The following DZIP1 variants were observed in gnomAD, a reference collection of about 807,000 sequenced individuals.
DZIP1 encodes the protein cilium assembly protein DZIP1.
DZIP1 carries 97 observed loss-of-function variants against 107.6 expected under a neutral mutation model. The ratio of observed to expected loss-of-function variants is 0.90; its 90% CI spans 0.77 to 1.07. DZIP1 has a LOEUF of 1.07. DZIP1 is among the 50% of genes least tolerant of loss of function. The probability of loss-of-function intolerance (pLI) is 0.00; values close to 1 mark genes in which losing one functional copy is unlikely to be tolerated. For synonymous variants in DZIP1, 390 were observed against 386.4 expected, an observed-to-expected ratio of 1.01 and a Z score of -0.11; for missense variants, 1,035 against 1,063.6, an observed-to-expected ratio of 0.97 and a Z score of 0.37.
intron 5 of DZIP1, among the ~76,000 whole-genome samples, chr13:95,636,615 A>C (rs955633042): frequency 1.3e-5 from 2 of 152,070 alleles, no homozygotes; most frequent in African/African-American, 4.8e-5. Context: ...TGAAAACTGA[A>C]TTGCTCACTA....
chr13:95,592,476 A>T (rs956052989), intron 16 of DZIP1, among the ~76,000 whole-genome samples: 1 of 152,240 alleles, frequency 6.6e-6, no homozygotes, highest in Non-Finnish European at 1.5e-5. Flanking sequence ...GTGGAAATTT[A>T]AAAAGACTGA....
rs765831664 is a variant in DZIP1 at position 95,641,606 on chromosome 13, T to C, written c.286A>G (p.Ile96Val). Reference protein sequence around the residue: ...VLTLQENIMNITFCKLEDEKC... With the variant: ...VLTLQENIMNVTFCKLEDEKC... ...TCGTCTTCCAGCTTGCAGAAGGTGA[T>C]GTTCATGATGTTCTCCTGCAGCGTC... Residue 96 changes from isoleucine to valine, a missense_variant, in exon 5 of 23, where the codon ATC (isoleucine) becomes GTC (valine). Ile to Val is a conservative substitution (Grantham distance 29, BLOSUM62 3). Transcript: ENST00000376829. The surrounding 1 kb of genome is among the most constrained non-coding windows in gnomAD (Gnocchi z 4.3). The C allele has an allele frequency of 8.1e-6, 13 of 1,612,692 alleles. No individual in the cohort carries two copies. The highest frequency in any genetic ancestry group is 1.1e-5 in the Non-Finnish European group (13 of 1,180,040).
chr13:95,644,615 A>G lies in DZIP1; in HGVS notation c.-764T>C, dbSNP rs1432420974. On this transcript the variant is annotated 5_prime_UTR_variant, in exon 1 of 23. Coordinates refer to ENST00000376829, the MANE Select transcript of DZIP1 (RefSeq NM_198968.4). ...CGCTCTAGGGCCTTCCAGACTCCGG[A>G]CCACGGACGACTCAGGATACCCCAC... 7.2e-5 allele frequency: 11 copies of G among 152,454 alleles called. No homozygotes were observed. The highest frequency in any genetic ancestry group is 2.4e-4 in the African/African-American group (10 of 41,508). 9.4% of individuals were successfully genotyped at this position (152,454 alleles called of 1,614,324 possible).
intron 19 of DZIP1, among the ~76,000 whole-genome samples, chr13:95,588,326 A>G (rs2044220034): frequency 6.6e-6 from 1 of 152,252 alleles, no homozygotes; most frequent in Non-Finnish European, 1.5e-5. Context: ...GAGATTACGT[A>G]TAAGAAAAGT....
rs1374117068 is a variant in DZIP1 at position 95,579,181 on chromosome 13, C to CCTCA, written c.*3049_*3052dup. ...ACATCCCAAGCCCAAGTGGTACGTG[C>CCTCA]CTCACTCAGAACTGACGGGCCGAGT... On this transcript the variant is annotated 3_prime_UTR_variant, in exon 23 of 23. Transcript: ENST00000376829. 2 of 152,150 alleles carry CCTCA rather than the reference C, an allele frequency of 1.3e-5. No individual in the cohort carries two copies. The highest frequency in any genetic ancestry group is 2.4e-5 in the African/African-American group (1 of 41,428). 9.4% of individuals were successfully genotyped at this position (152,150 alleles called of 1,614,324 possible). A position where few individuals can be genotyped will look rare whatever the true frequency, so the allele number is the denominator to read the frequency against.
intron 7 of DZIP1, among the ~76,000 whole-genome samples, chr13:95,627,755 C>A (rs1023070133): frequency 6.6e-6 from 1 of 152,152 alleles, no homozygotes; most frequent in Non-Finnish European, 1.5e-5. Flanking sequence ...CATAAAATTA[C>A]CATATGACTC....
rs751695659 is a variant in DZIP1 at position 95,641,636 on chromosome 13, C to T, written c.256G>A (p.Val86Met). The T allele has an allele frequency of 3.1e-6, 5 of 1,610,566 alleles. No individual in the cohort carries two copies. Among genetic ancestry groups the T allele is most frequent in the Admixed American group, 1.7e-5 (1 of 60,038 alleles). ...ATGATGTTCTCCTGCAGCGTCAGCA[C>T]GTCCACAGCCCCCGCCACCTTGTCC... is the stretch of plus-strand genomic sequence containing the variant. ...DVDKVAGAVD[V>M]LTLQENIMNI... Residue 86 changes from valine to methionine, a missense_variant, in exon 5 of 23, where the codon GTG becomes ATG. Transcript: ENST00000376829. The surrounding 1 kb of genome is among the most constrained non-coding windows in gnomAD (Gnocchi z 4.3).
chr13:95,597,218 A>G, intron 15 of DZIP1, among the ~76,000 whole-genome samples: 1 of 152,220 alleles, frequency 6.6e-6, no homozygotes, highest in East Asian at 1.9e-4. Context: ...ACTCTGGGTG[A>G]TGGTGGACAA....
At chr13:95,599,344 C>A in intron 15 of DZIP1, 21 bp downstream of exon 15, 2 of 1,609,668 alleles carry the variant, frequency 1.2e-6, no homozygotes, top group Admixed American at 1.7e-5. Context: ...TGCAGGTAAA[C>A]CTGATCAAGC....
At chr13:95,633,038 C>T (rs997074774) in intron 6 of DZIP1, among the ~76,000 whole-genome samples, 196 bp downstream of exon 6, 1 of 152,170 alleles carries the variant, frequency 6.6e-6, no homozygotes, top group Non-Finnish European at 1.5e-5. Context: ...GGGGCTTCTC[C>T]GTTCAGCTTG....
chr13:95,630,977 T>A (rs749597266), intron 6 of DZIP1, among the ~76,000 whole-genome samples: 1 of 152,200 alleles, frequency 6.6e-6, no homozygotes, highest in Non-Finnish European at 1.5e-5. Context: ...ATTTTATCAG[T>A]GATTCAAGAC....
rs145262935 is a variant in DZIP1 at position 95,638,378 on chromosome 13, C to T, written c.597+2917G>A. Among the ~76,000 whole-genome samples the T allele has an allele frequency of 1.1e-4, 16 of 152,246 alleles. No individual in the cohort carries two copies. In the East Asian group the frequency reaches 3.1e-3, roughly 29 times the overall value. On this transcript the variant is annotated intron_variant, in intron 5 of 22. Transcript: ENST00000376829. ...GTGCTGGGATTACAGGTGTGAGCCA[C>T]TGCGCCCAGCCTAACCTGAGTTAAA...
At chr13:95,626,962 A>G (rs1432605148) in intron 7 of DZIP1, among the ~76,000 whole-genome samples, 4 of 152,242 alleles carry the variant, frequency 2.6e-5, no homozygotes, top group Non-Finnish European at 5.9e-5. Context: ...AAGAGATTCA[A>G]TGTAATCCCA....
intron 20 of DZIP1, 73 bp from the exon 21 acceptor site, chr13:95,586,209 T>G: frequency 3.9e-6 from 5 of 1,297,280 alleles, no homozygotes; most frequent in Non-Finnish European, 5.2e-6. Context: ...AAAATAACCT[T>G]ACAGGAAACT....
In DZIP1 at chr13:95,641,257, T is replaced by C. The variant is rs1355589968; in HGVS notation, c.597+38A>G. 3.9e-6 allele frequency: 6 copies of C among 1,532,606 alleles called. No individual in the cohort carries two copies. The highest frequency in any genetic ancestry group is 4.4e-6 in the Non-Finnish European group (5 of 1,136,802). The allele number at this position is 1,532,606 out of a possible 1,614,324, so 94.9% of individuals were successfully genotyped here. On this transcript the variant is annotated intron_variant, in intron 5 of 22. Transcript: ENST00000376829. This position sits in a 1 kb window ranked among gnomAD's most constrained non-coding sequence, Gnocchi z 4.3. The stretch of plus-strand genomic sequence containing the variant: ...CCTATCAAATGGGAACTGAGTTGTT[T>C]ACTGGATTATGAATCGTGCTCACAC...
rs1878488129 is a variant in DZIP1 at position 95,641,465 on chromosome 13, G to A, written c.427C>T (p.His143Tyr). 3 of 1,614,052 alleles carry A rather than the reference G, an allele frequency of 1.9e-6. No homozygotes were observed. Among genetic ancestry groups the A allele is most frequent in the South Asian group, 1.1e-5 (1 of 91,084 alleles). The change falls in exon 5 of 23, where the codon CAC (histidine) becomes TAC (tyrosine). Residue 143 changes from histidine to tyrosine, a missense_variant. His to Tyr is a moderately conservative substitution (Grantham distance 83). Transcript: ENST00000376829. The surrounding 1 kb of genome is among the most constrained non-coding windows in gnomAD (Gnocchi z 4.3). ...HSQEFLTSQL[H>Y]TLEERLRLSH... ...AGGCGCAGCCGCTCCTCCAGGGTGT[G>A]CAGCTGCGAGGTGAGGAACTCTTGT...
rs2044026302 is a variant in DZIP1, at chr13:95,582,237, G to C, written c.2601C>G (p.Val867=). 6.2e-7 allele frequency: 1 copy of C among 1,613,876 alleles called. No homozygotes were observed. Among genetic ancestry groups the C allele is most frequent in the Non-Finnish European group, 8.5e-7 (1 of 1,179,794 alleles). ...TVTDWSDTSD[V] ...AATAATCTTCTGACATGTGGAATTA[G>C]ACATCTGAAGTGTCGCTCCAATCAG... Residue 867 remains valine, a synonymous_variant, in exon 23 of 23, where the codon GTC becomes GTG. Transcript: ENST00000376829.
In DZIP1 at chr13:95,579,281, T is replaced by TTTAAG. The variant is rs2138704565; in HGVS notation, c.*2948_*2952dup. On this transcript the variant is annotated 3_prime_UTR_variant, in exon 23 of 23. Coordinates refer to ENST00000376829, the MANE Select transcript of DZIP1 (RefSeq NM_198968.4). ...GAGAGACTTGTCATTTCTAAAGACATTTAAGTTGCTCCAGGGATTTCTGAA... is the reference window on the plus strand; with the variant it reads ...GAGAGACTTGTCATTTCTAAAGACATTTAAGTTAAGTTGCTCCAGGGATTTCTGAA... 6.6e-6 allele frequency: 1 copy of TTTAAG among 152,296 alleles called. No individual in the cohort carries two copies. Among genetic ancestry groups the TTTAAG allele is most frequent in the South Asian group, 2.1e-4 (1 of 4,826 alleles). 9.4% of individuals were successfully genotyped at this position (152,296 alleles called of 1,614,324 possible).
chr13:95,615,989 A>G lies in DZIP1; in HGVS notation c.1174-3812T>C, dbSNP rs1463655430. ...AAAAAAAACACCCTGATGAGGAGAA[A>G]TGTGCACAGCTGAGAGCCGATATGA... On this transcript the variant is annotated intron_variant, in intron 10 of 22. Coordinates refer to ENST00000376829, the MANE Select transcript of DZIP1 (RefSeq NM_198968.4). 2.6e-5 allele frequency among the ~76,000 whole-genome samples: 4 copies of G among 152,166 alleles called. No individual in the cohort carries two copies. In the East Asian group the frequency reaches 7.7e-4, roughly 29 times the overall value.
Sources: allele counts gnomAD v4.1 joint callset (sites outside exome capture counted in the v4.1 genomes callset), GRCh38; gene constraint gnomAD v4.1.1; non-coding constraint Gnocchi (gnomAD v3.1); transcripts MANE v1.5; gene names NCBI Gene and HGNC (gene_info 2026-07-23, HGNC 2026-07-21).